Variants in KCNIP1 observed in about 807,000 individuals in gnomAD.
KCNIP1 encodes the protein A-type potassium channel modulatory protein KCNIP1.
KCNIP1 carries 18 observed loss-of-function variants against 33.0 expected under a neutral mutation model. That is an observed-to-expected ratio of 0.55 (90% CI 0.38 to 0.81). The LOEUF (loss-of-function observed/expected upper bound fraction) is 0.81. KCNIP1 is among the 30% of genes least tolerant of loss of function. The probability of loss-of-function intolerance (pLI) is 0.00; values close to 1 mark genes in which losing one functional copy is unlikely to be tolerated. For missense variants in KCNIP1, 238 were observed against 271.6 expected, an observed-to-expected ratio of 0.88 and a Z score of 0.87; for synonymous variants, 93 against 98.3, an observed-to-expected ratio of 0.95 and a Z score of 0.32.
At chr5:170,623,634 A>G (rs1759699327) in intron 1 of KCNIP1, among the ~76,000 whole-genome samples, 2 of 152,268 alleles carry the variant, frequency 1.3e-5, no homozygotes, top group South Asian at 2.1e-4. Flanking sequence ...AAAGTGCTTC[A>G]TGAAGTTTCA....
intron 1 of KCNIP1, among the ~76,000 whole-genome samples, chr5:170,429,213 A>G (rs1755685694): frequency 1.3e-5 from 2 of 152,076 alleles, no homozygotes; most frequent in African/African-American, 4.8e-5. Flanking sequence ...CACATCAGCC[A>G]CCAGAGGGAA....
intron 1 of KCNIP1, chr5:170,377,611 T>C (rs1309325034): frequency 1.3e-5 from 2 of 151,742 alleles, no homozygotes; most frequent in Non-Finnish European, 2.9e-5. Flanking sequence ...TCTTGTTCTA[T>C]CACCAGGCTG....
chr5:170,596,724 A>C (rs745781382), intron 1 of KCNIP1, among the ~76,000 whole-genome samples: 32 of 152,222 alleles, frequency 2.1e-4, no homozygotes, highest in Non-Finnish European at 3.2e-4. Flanking sequence ...AGACCTGCTT[A>C]ATCAGTGGGG....
intron 1 of KCNIP1, among the ~76,000 whole-genome samples, chr5:170,442,228 C>T (rs972460166): frequency 1.3e-5 from 2 of 152,176 alleles, no homozygotes; most frequent in East Asian, 1.9e-4. Flanking sequence ...CCCCAGGGGC[C>T]GAGTAAGCAG....
chr5:170,527,281 C>T (rs75088682), intron 1 of KCNIP1, among the ~76,000 whole-genome samples: 1,810 of 152,296 alleles, frequency 0.012, 33 homozygotes, highest in East Asian at 0.047. Context: ...TATTTGCTAA[C>T]ATTCTGCCTT....
chr5:170,481,801 A>G (rs935572664), intron 1 of KCNIP1, among the ~76,000 whole-genome samples: 3 of 152,164 alleles, frequency 2.0e-5, no homozygotes, highest in African/African-American at 7.2e-5. Context: ...GACCCCACCC[A>G]TGCTTTATAG....
intron 1 of KCNIP1, among the ~76,000 whole-genome samples, chr5:170,660,434 G>T (rs1020409762): frequency 6.6e-5 from 10 of 151,736 alleles, no homozygotes; most frequent in African/African-American, 2.4e-4. Flanking sequence ...GCCAGTCTGG[G>T]TTTGGAGCAT....
intron 1 of KCNIP1, among the ~76,000 whole-genome samples, chr5:170,624,757 G>T (rs1759758290): frequency 8.0e-6 from 1 of 124,840 alleles, no homozygotes. Context: ...GAGGGGAGGA[G>T]AGGGGAGGGG....
intron 1 of KCNIP1, among the ~76,000 whole-genome samples, chr5:170,608,646 C>T (rs1054617994): frequency 2.0e-5 from 3 of 152,002 alleles, no homozygotes; most frequent in African/African-American, 7.3e-5. Flanking sequence ...GTGATGGGCA[C>T]CAGTAATCCC....
At chr5:170,732,934 T>G in intron 6 of KCNIP1, 30 bp downstream of exon 6, 1 of 1,398,214 alleles carries the variant, frequency 7.2e-7, no homozygotes, top group Non-Finnish European at 1.0e-6. Flanking sequence ...ACATGAGCTG[T>G]AAGCCCAGCC....
At chr5:170,655,019 A>C (rs796789635) in intron 1 of KCNIP1, among the ~76,000 whole-genome samples, 32 of 152,324 alleles carry the variant, frequency 2.1e-4, no homozygotes, top group Middle Eastern at 3.4e-3. Flanking sequence ...AAAAATAAGG[A>C]TCTGTAAGTT....
chr5:170,417,217 G>A (rs1019020268), intron 1 of KCNIP1, among the ~76,000 whole-genome samples: 3 of 152,120 alleles, frequency 2.0e-5, no homozygotes, highest in South Asian at 2.1e-4. Flanking sequence ...GAAAAGTCCA[G>A]AATAATCACA....
chr5:170,632,842 C>T (rs1402678188), intron 1 of KCNIP1, among the ~76,000 whole-genome samples: 2 of 152,182 alleles, frequency 1.3e-5, no homozygotes, highest in African/African-American at 2.4e-5. Context: ...TAAGTGGGAA[C>T]GCTAATGCTG....
At chr5:170,584,899 G>C (rs1292663925) in intron 1 of KCNIP1, among the ~76,000 whole-genome samples, 1 of 152,178 alleles carries the variant, frequency 6.6e-6, no homozygotes, top group Non-Finnish European at 1.5e-5. Flanking sequence ...GCCCAGAGCA[G>C]AGCAGGCCTG....
chr5:170,544,458 C>G (rs1291259555), intron 1 of KCNIP1, among the ~76,000 whole-genome samples: 1 of 152,080 alleles, frequency 6.6e-6, no homozygotes, highest in Non-Finnish European at 1.5e-5. Flanking sequence ...TGTTTGGACT[C>G]TGGTTACCTC....
intron 1 of KCNIP1, among the ~76,000 whole-genome samples, chr5:170,492,860 C>T (rs4867970): frequency 0.22 from 33,082 of 152,126 alleles, 3,790 homozygotes; most frequent in Admixed American, 0.29. Flanking sequence ...AGTGATTCTC[C>T]TGCCTCAGCC....
intron 1 of KCNIP1, among the ~76,000 whole-genome samples, chr5:170,693,388 C>T (rs1276215510): frequency 1.3e-5 from 2 of 152,198 alleles, no homozygotes; most frequent in Non-Finnish European, 2.9e-5. Flanking sequence ...AAATAAGCTG[C>T]CATCTGCTGT....
At position 170,394,242 on chromosome 5, in the gene KCNIP1, G is replaced by A. The variant is rs1253668394; in HGVS notation, c.88+40278G>A. 2.6e-5 allele frequency among the ~76,000 whole-genome samples: 4 copies of A among 152,186 alleles called. No homozygotes were observed. In the East Asian group the frequency reaches 7.7e-4, roughly 29 times the overall value. ...CTCTCCGCGCCTCCTGGGCCAGGCG[G>A]AAGCTCTGCTTCCGCATGCTGGGAG... On this transcript the variant is annotated intron_variant, in intron 1 of 7. Coordinates refer to the KCNIP1 transcript ENST00000377360.
chr5:170,361,271 G>A (rs1437232452), intron 1 of KCNIP1, among the ~76,000 whole-genome samples: 1 of 152,184 alleles, frequency 6.6e-6, no homozygotes, highest in Non-Finnish European at 1.5e-5. Context: ...TGGAAATGAG[G>A]AAATTGCATA....
Sources: gnomAD v4.1 joint callset for allele counts (sites outside exome capture counted in the v4.1 genomes callset) on GRCh38, gnomAD v4.1.1 for gene constraint, MANE v1.5 for transcripts, NCBI Gene and HGNC (gene_info 2026-07-23, HGNC 2026-07-21) for gene names.